Variants in CSMD1 observed in about 807,000 individuals in gnomAD.
CSMD1 encodes the protein CUB and Sushi multiple domains 1, also known as CUB and sushi domain-containing protein 1.
Under a neutral mutation model 417.5 loss-of-function variants are expected in CSMD1, and 213 were observed. The ratio of observed to expected loss-of-function variants is 0.51; its 90% CI spans 0.46 to 0.57. The LOEUF is 0.57. CSMD1 is among the 20% of genes least tolerant of loss of function. CSMD1 has a pLI of 0.00. For missense variants in CSMD1, 6,923 were observed against 4,529.7 expected (o/e 1.53, Z -15.17); for synonymous variants, 2,862 against 1,736.8 (o/e 1.65, Z -16.11).
intron 5 of CSMD1, among the ~76,000 whole-genome samples, chr8:3,980,943 T>A (rs1254483968): frequency 6.6e-6 from 1 of 152,136 alleles, no homozygotes; most frequent in Non-Finnish European, 1.5e-5. Flanking sequence ...TTCCCAGTGG[T>A]TTTCCCATAA....
intron 12 of CSMD1, among the ~76,000 whole-genome samples, chr8:3,412,786 G>C (rs891131478): frequency 1.3e-5 from 2 of 152,224 alleles, no homozygotes; most frequent in African/African-American, 2.4e-5. Context: ...TTGTTGAACA[G>C]AGATGGGAAT....
chr8:4,382,949 T>G (rs1803199574), intron 3 of CSMD1, among the ~76,000 whole-genome samples: 1 of 152,174 alleles, frequency 6.6e-6, no homozygotes, highest in Admixed American at 6.5e-5. Context: ...TCACCTAAGC[T>G]GCATATACAG....
chr8:4,187,695 G>C (rs1177993938), intron 3 of CSMD1, among the ~76,000 whole-genome samples: 1 of 42,126 alleles, frequency 2.4e-5, no homozygotes, highest in South Asian at 8.3e-4. Context: ...AAAAAAAAAA[G>C]CATTCAGGAA....
intron 3 of CSMD1, among the ~76,000 whole-genome samples, chr8:4,343,561 T>C (rs185310700): frequency 6.6e-6 from 1 of 152,270 alleles, no homozygotes; most frequent in East Asian, 1.9e-4. Context: ...GTCAATTATA[T>C]ATCAATAGAG....
chr8:4,565,956 A>G (rs1460539229), intron 2 of CSMD1, among the ~76,000 whole-genome samples: 1 of 151,770 alleles, frequency 6.6e-6, no homozygotes, highest in Non-Finnish European at 1.5e-5. Context: ...ACTATTTCCT[A>G]TTATTCTCAG....
intron 1 of CSMD1, among the ~76,000 whole-genome samples, chr8:4,692,220 T>A (rs963404850): frequency 1.3e-5 from 2 of 152,008 alleles, no homozygotes; most frequent in African/African-American, 4.8e-5. Context: ...CTTACCGACC[T>A]CACTCAAGTC....
At chr8:3,524,578 T>TAA (rs1407066410) in intron 10 of CSMD1, among the ~76,000 whole-genome samples, 2 of 135,618 alleles carry the variant, frequency 1.5e-5, no homozygotes, top group African/African-American at 6.0e-5. Flanking sequence ...CCCAGACACT[T>TAA]ATGCACACAC....
At chr8:4,048,981 C>G (rs1035741486) in intron 3 of CSMD1, among the ~76,000 whole-genome samples, 2 of 152,080 alleles carry the variant, frequency 1.3e-5, no homozygotes, top group Non-Finnish European at 2.9e-5. Flanking sequence ...GTGAATTTCT[C>G]TAAGGTTGAT....
intron 5 of CSMD1, among the ~76,000 whole-genome samples, chr8:3,865,012 G>T (rs985850471): frequency 6.6e-6 from 1 of 152,138 alleles, no homozygotes; most frequent in African/African-American, 2.4e-5. Context: ...TGAGGTGCTA[G>T]CTAATCTCCT....
chr8:4,739,562 T>C (rs1425347165), intron 1 of CSMD1, among the ~76,000 whole-genome samples: 1 of 152,142 alleles, frequency 6.6e-6, no homozygotes, highest in Non-Finnish European at 1.5e-5. Flanking sequence ...CTCCAGAAGA[T>C]CTTTTGACTC....
chr8:4,852,780 G>C (rs1303225608), intron 1 of CSMD1, among the ~76,000 whole-genome samples: 2 of 152,114 alleles, frequency 1.3e-5, no homozygotes, highest in Non-Finnish European at 2.9e-5. Context: ...GTGATGGGCA[G>C]GCTGATGAGG....
chr8:3,803,068 C>G (rs1221166123), intron 5 of CSMD1, among the ~76,000 whole-genome samples: 1 of 152,164 alleles, frequency 6.6e-6, no homozygotes, highest in South Asian at 2.1e-4. Flanking sequence ...GTGGTGGCAA[C>G]AGCCTTTTGG....
rs150471452 is a variant in CSMD1, at chr8:3,352,395, A to G, written c.3305-4234T>C. 3.8e-3 allele frequency among the ~76,000 whole-genome samples: 581 copies of G among 152,348 alleles called. 3 individuals are homozygous for G. The highest frequency in any genetic ancestry group is 0.013 in the African/African-American group (557 of 41,578). On this transcript the variant is annotated intron_variant, in intron 21 of 69. Coordinates refer to ENST00000635120, the MANE Select transcript of CSMD1 (RefSeq NM_033225.6). ...GATTGACTTGTGACACAAATTCTAG[A>G]ATTTCAATAGAAGAGAAGTATCTTT... is the stretch of plus-strand genomic sequence containing the variant.
chr8:4,475,501 A>G (rs1274633752), intron 2 of CSMD1, among the ~76,000 whole-genome samples: 3 of 152,202 alleles, frequency 2.0e-5, no homozygotes, highest in Non-Finnish European at 4.4e-5. Flanking sequence ...TGTGTTTTTT[A>G]GAGAAAAACA....
Position 4,677,035 on chromosome 8 carries a change from G to T in CSMD1, c.86-39477C>A, listed in dbSNP as rs555945726. On this transcript the variant is annotated intron_variant, in intron 1 of 69. Transcript: ENST00000635120. ...AGAATTTTACATAGAATTTTATATA[G>T]AGAGAATTATATATATAGAATTATA... 3.6e-3 allele frequency among the ~76,000 whole-genome samples: 508 copies of T among 142,188 alleles called. 3 individuals are homozygous for T. The highest frequency in any genetic ancestry group is 0.011 in the Middle Eastern group (3 of 264). 93.3% of individuals were successfully genotyped at this position (142,188 alleles called of 152,430 possible). A position where few individuals can be genotyped will look rare whatever the true frequency, so the allele number is the denominator to read the frequency against.
chr8:3,793,262 G>C (rs191294509), intron 5 of CSMD1, among the ~76,000 whole-genome samples: 2 of 152,130 alleles, frequency 1.3e-5, no homozygotes, highest in African/African-American at 2.4e-5. Context: ...AATCTCAAGC[G>C]ACTGCAGCAG....
rs145484249 is a variant in CSMD1 at position 4,079,873 on chromosome 8, T to C, written c.416-47774A>G. The stretch of plus-strand genomic sequence containing the variant: ...GTTTCTAATGACCCTTTGAATACCA[T>C]CTTCATAGGCTGGGGCAGAAGGGCC... On this transcript the variant is annotated intron_variant, in intron 3 of 69. Transcript: ENST00000635120. Among the ~76,000 whole-genome samples, 283 of 152,252 alleles carry C rather than the reference T, an allele frequency of 1.9e-3. 3 individuals carry two copies. The highest frequency in any genetic ancestry group is 6.6e-3 in the African/African-American group (274 of 41,534).
intron 3 of CSMD1, among the ~76,000 whole-genome samples, chr8:4,034,885 A>T (rs1381960390): frequency 1.3e-5 from 2 of 152,206 alleles, no homozygotes; most frequent in African/African-American, 4.8e-5. Context: ...TCTATCAAAT[A>T]AATCTGCTAA....
At chr8:4,304,128 C>G (rs929435539) in intron 3 of CSMD1, among the ~76,000 whole-genome samples, 7 of 152,084 alleles carry the variant, frequency 4.6e-5, no homozygotes, top group African/African-American at 1.4e-4. Context: ...ATTTAGGCTA[C>G]TATTTGAATT....
Sources: gnomAD v4.1 joint callset for allele counts (sites outside exome capture counted in the v4.1 genomes callset) on GRCh38, gnomAD v4.1.1 for gene constraint, MANE v1.5 for transcripts, NCBI Gene and HGNC (gene_info 2026-07-23, HGNC 2026-07-21) for gene names.